Variants in SAMD9L observed in about 807,000 individuals in gnomAD.
The protein encoded by SAMD9L is sterile alpha motif domain-containing protein 9-like.
SAMD9L carries 68 observed loss-of-function variants against 90.7 expected under a neutral mutation model. That is an observed-to-expected ratio of 0.75 (90% CI 0.62 to 0.92). SAMD9L has a LOEUF of 0.92. SAMD9L is among the 40% of genes least tolerant of loss of function. SAMD9L has a pLI of 0.00. For synonymous variants in SAMD9L, 640 were observed against 630.1 expected (o/e 1.02, Z -0.23); for missense variants, 1,604 against 1,824.3 (o/e 0.88, Z 2.20).
At chr7:93,143,669 C>A (rs1333147190) in intron 4 of SAMD9L, among the ~76,000 whole-genome samples, 3 of 152,182 alleles carry the variant, frequency 2.0e-5, no homozygotes, top group Non-Finnish European at 2.9e-5. Flanking sequence ...AAAAATATTT[C>A]TCAGCCAGAA....
chr7:93,132,165 G>A lies in SAMD9L; in HGVS notation c.3807C>T (p.Asp1269=), dbSNP rs1265660330. The A allele has an allele frequency of 6.2e-7, 1 of 1,613,238 alleles. No individual in the cohort carries two copies. The highest frequency in any genetic ancestry group is 8.5e-7 in the Non-Finnish European group (1 of 1,179,728). Residue 1269 remains aspartate (D), a synonymous_variant, in exon 5 of 5, where the codon GAC becomes GAT. Transcript: ENST00000318238. The part of the protein sequence containing the change: ...NLQSDLKRCF[D]FFIDYMVLLK... ...GAAGAACCATATAATCAATAAAAAAGTCAAAGCACCTTTTCAGATCTGATT... is the reference window on the plus strand; with the variant it reads ...GAAGAACCATATAATCAATAAAAAAATCAAAGCACCTTTTCAGATCTGATT...
intron 4 of SAMD9L, among the ~76,000 whole-genome samples, chr7:93,143,487 A>G (rs1792774399): frequency 6.6e-6 from 1 of 152,098 alleles, no homozygotes; most frequent in South Asian, 2.1e-4. Flanking sequence ...CTCTCTCATC[A>G]AACCTACAAC....
In SAMD9L at chr7:93,135,162, C is replaced by G; in HGVS notation, c.810G>C (p.Lys270Asn). Residue 270 changes from lysine (K) to asparagine (N), a missense_variant, in exon 5 of 5, where the codon AAG becomes AAC. Transcript: ENST00000318238. Reference protein sequence around the residue: ...FIDHFNVMIKKYFEESEINEA... With the variant: ...FIDHFNVMIKNYFEESEINEA... Reference sequence around the variant, plus strand: ...CATTGATCTCACTTTCTTCAAAATACTTTTTGATCATTACATTGAAGTGGT... The same window carrying G: ...CATTGATCTCACTTTCTTCAAAATAGTTTTTGATCATTACATTGAAGTGGT... 6.2e-7 allele frequency: 1 copy of G among 1,613,378 alleles called. No individual in the cohort carries two copies. Among genetic ancestry groups the G allele is most frequent in the African/African-American group, 1.3e-5 (1 of 75,036 alleles).
rs1315002378 is a variant in SAMD9L, at chr7:93,145,725, A to C, written c.-463T>G. 1 of 152,234 alleles carries C rather than the reference A, an allele frequency of 6.6e-6. No individual in the cohort carries two copies. Among genetic ancestry groups the C allele is most frequent in the Non-Finnish European group, 1.5e-5 (1 of 68,028 alleles). The allele number at this position is 152,234 out of a possible 1,614,324, so 9.4% of individuals were successfully genotyped here. A position where few individuals can be genotyped will look rare whatever the true frequency, so the allele number is the denominator to read the frequency against. On this transcript the variant is annotated 5_prime_UTR_variant, in exon 3 of 5. Coordinates refer to ENST00000318238, the MANE Select transcript of SAMD9L (RefSeq NM_152703.5). The stretch of plus-strand genomic sequence containing the variant: ...AATGTTTGAACATACAGAAAATTTG[A>C]AAGAATAGTGAAAAGAATACCCTTC...
chr7:93,146,714 G>A (rs1792903914), intron 2 of SAMD9L, among the ~76,000 whole-genome samples, 169 bp downstream of exon 2: 1 of 152,148 alleles, frequency 6.6e-6, no homozygotes, highest in Admixed American at 6.5e-5. Context: ...GTAGAAATCT[G>A]GGGAAATCTC....
chr7:93,141,375 A>G (rs150396897), intron 4 of SAMD9L, among the ~76,000 whole-genome samples: 7 of 152,254 alleles, frequency 4.6e-5, no homozygotes, highest in Non-Finnish European at 8.8e-5. Context: ...AATTAACATG[A>G]TCGGCCCTGG....
rs535880866 is a variant in SAMD9L, at chr7:93,132,409, C to T, written c.3563G>A (p.Arg1188Gln). 24 of 1,613,600 alleles carry T rather than the reference C, an allele frequency of 1.5e-5. No individual in the cohort carries two copies. Among genetic ancestry groups the T allele is most frequent in the African/African-American group, 4.0e-5 (3 of 74,878 alleles). ...ENWSPQKSQR[R>Q]YDMYNTACFL... ...ACAAGCTGTGTTATACATGTCATAT[C>T]GTCTCTGGGACTTCTGTGGTGACCA... Residue 1188 changes from arginine (R) to glutamine (Q), a missense_variant, in exon 5 of 5, where the codon CGA becomes CAA. Physicochemically the swap from Arg to Gln is conservative, Grantham distance 43. Around this residue, in one of 7 missense-constraint regions of SAMD9L, gnomAD observed 302 missense variants for 314.7 expected, o/e 0.96. Transcript: ENST00000318238.
chr7:93,135,254 C>G lies in SAMD9L; in HGVS notation c.718G>C (p.Gly240Arg), dbSNP rs372981978. Residue 240 changes from glycine to arginine, a missense_variant, in exon 5 of 5, where the codon GGA becomes CGA. Around this residue, in one of 7 missense-constraint regions of SAMD9L, gnomAD observed 374 missense variants for 363.6 expected, o/e 1.03. Transcript: ENST00000318238. ...NSRTNGTIHFGVKDKPHGEIV... is the reference protein window; with the variant it reads ...NSRTNGTIHFRVKDKPHGEIV... ...TCTCCATGGGGTTTGTCCTTGACTC[C>G]AAAATGGATGGTGCCATTGGTGCGT... The G allele has an allele frequency of 1.2e-6, 2 of 1,614,054 alleles. No homozygotes were observed. The highest frequency in any genetic ancestry group is 4.5e-5 in the East Asian group (2 of 44,874).
chr7:93,144,292 A>T lies in SAMD9L; in HGVS notation c.-21+440T>A, dbSNP rs191236199. Among the ~76,000 whole-genome samples, 351 of 152,338 alleles carry T rather than the reference A, an allele frequency of 2.3e-3. 2 individuals carry two copies. Among genetic ancestry groups the T allele is most frequent in the African/African-American group, 8.0e-3 (331 of 41,566 alleles). On this transcript the variant is annotated intron_variant, in intron 4 of 4. Transcript: ENST00000318238. ...CACTGGGCCCTCCCTATCAGTGGGT[A>T]CCACATCTGTGGGTTCAATCAACCA...
intron 4 of SAMD9L, among the ~76,000 whole-genome samples, chr7:93,139,244 A>G (rs1792583820): frequency 6.6e-6 from 1 of 152,174 alleles, no homozygotes; most frequent in Non-Finnish European, 1.5e-5. Flanking sequence ...TTATCTTGAC[A>G]TCAACCCACC....
chr7:93,134,349 TC>T lies in SAMD9L; in HGVS notation c.1622del (p.Gly541GlufsTer5), dbSNP rs2116495073. 3 of 1,611,110 alleles carry T rather than the reference TC, an allele frequency of 1.9e-6. No homozygotes were observed. Among genetic ancestry groups the T allele is most frequent in the African/African-American group, 1.3e-5 (1 of 74,704 alleles). ...FLTDENIMTR[G>X]KFLVVFLLLS... is the part of the protein sequence containing the mutation. ...GTAATAGAAACACTACCAAAAATTT[TC>T]CTCTTGTCATTATATTTTCATCTGT... On this transcript the variant is annotated frameshift_variant, in exon 5 of 5. Transcript: ENST00000318238. LOFTEE classifies it high-confidence loss of function.
chr7:93,134,928 G>A lies in SAMD9L; in HGVS notation c.1044C>T (p.Ser348=), dbSNP rs766798403. The change falls in exon 5 of 5, where the codon AGC becomes AGT. Residue 348 remains serine (S), a synonymous_variant. Transcript: ENST00000318238. ...TGGAATTGGCCAGGATATCCCTAGA[G>A]CTAGCCCCTTCTCTTACAAACAGTG... ...NLSLFVREGA[S]SRDILANSKQ... 1.2e-6 allele frequency: 2 copies of A among 1,613,692 alleles called. No homozygotes were observed. Among genetic ancestry groups the A allele is most frequent in the South Asian group, 1.1e-5 (1 of 91,070 alleles).
In SAMD9L at chr7:93,130,238, G is replaced by A. The variant is rs2116461301; in HGVS notation, c.*979C>T. The stretch of plus-strand genomic sequence containing the variant: ...GCATTCCTTGACACTGAAAACTTGA[G>A]AACACATATTACCATGAGGAAGCCC... On this transcript the variant is annotated 3_prime_UTR_variant, in exon 5 of 5. Transcript: ENST00000318238. The A allele has an allele frequency of 1.3e-5, 2 of 152,232 alleles. 1 individual carries two copies. Among genetic ancestry groups the A allele is most frequent in the South Asian group, 4.1e-4 (2 of 4,820 alleles). The allele number at this position is 152,232 out of a possible 1,614,324, so 9.4% of individuals were successfully genotyped here.
Position 93,132,919 on chromosome 7 carries a change from T to C in SAMD9L, c.3053A>G (p.Glu1018Gly), listed in dbSNP as rs897248431. 3.7e-6 allele frequency: 6 copies of C among 1,613,066 alleles called. No homozygotes were observed. The highest frequency in any genetic ancestry group is 4.2e-6 in the Non-Finnish European group (5 of 1,179,448). ...KCQIALNILEENLFYDSGIGR... is the reference protein window; with the variant it reads ...KCQIALNILEGNLFYDSGIGR... ...TATTCCAGAATCATAGAATAAATTC[T>C]CTTCTAATATATTCAATGCAATTTG... Residue 1018 changes from glutamate (E) to glycine (G), a missense_variant, in exon 5 of 5, where the codon GAG becomes GGG. Around this residue, in one of 7 missense-constraint regions of SAMD9L, gnomAD observed 302 missense variants for 314.7 expected, o/e 0.96. Coordinates refer to ENST00000318238, the MANE Select transcript of SAMD9L (RefSeq NM_152703.5).
Position 93,135,329 on chromosome 7 carries a change from T to A in SAMD9L, c.643A>T (p.Met215Leu). The change falls in exon 5 of 5, where the codon ATG becomes TTG. Residue 215 changes from methionine (M) to leucine (L), a missense_variant. Physicochemically the swap from Met to Leu is conservative, Grantham distance 15. Around this residue, in one of 7 missense-constraint regions of SAMD9L, gnomAD observed 374 missense variants for 363.6 expected, o/e 1.03. Transcript: ENST00000318238. ...TETATEVDIK[M>L]KFSNEVFRFA... ...CGGAAGACTTCATTGCTGAATTTCA[T>A]CTTAATGTCCACTTCCGTGGCTGTT... The A allele has an allele frequency of 6.2e-7, 1 of 1,614,124 alleles. No homozygotes were observed. The highest frequency in any genetic ancestry group is 1.1e-5 in the South Asian group (1 of 91,086).
intron 1 of SAMD9L, 21 bp from the exon 2 acceptor site, chr7:93,147,167 C>G (rs1792925066): frequency 6.6e-6 from 1 of 152,172 alleles, no homozygotes; most frequent in African/African-American, 2.4e-5. Context: ...AAAAAACAGA[C>G]TCCAGATTTT....
At position 93,132,703 on chromosome 7, in the gene SAMD9L, C is replaced by T. The variant is rs753749828; in HGVS notation, c.3269G>A (p.Arg1090Lys). ...GTCCTTCTCTTTAATGTAGAAATGT[C>T]TTGCTAAGGCTTGACAAATGAATGC... ...QNAFICQALA[R>K]HFYIKEKDFN... Residue 1090 changes from arginine (R) to lysine (K), a missense_variant, in exon 5 of 5, where the codon AGA becomes AAA. Coordinates refer to ENST00000318238, the MANE Select transcript of SAMD9L (RefSeq NM_152703.5). The T allele has an allele frequency of 4.6e-5, 75 of 1,613,736 alleles. No individual in the cohort carries two copies. In the Middle Eastern group the frequency reaches 6.6e-4, roughly 14 times the overall value.
At position 93,132,719 on chromosome 7, in the gene SAMD9L, A is replaced by T; in HGVS notation, c.3253T>A (p.Cys1085Ser). ...SRRFPQNAFICQALARHFYIK... is the reference protein window; with the variant it reads ...SRRFPQNAFISQALARHFYIK... ...TAGAAATGTCTTGCTAAGGCTTGAC[A>T]AATGAATGCATTTTGTGGGAATCGT... is the stretch of plus-strand genomic sequence containing the variant. The change falls in exon 5 of 5, where the codon TGT (cysteine) becomes AGT (serine). Residue 1085 changes from cysteine (C) to serine (S), a missense_variant. By Grantham distance (112) the Cys-to-Ser change is moderately radical. Transcript: ENST00000318238. 1.9e-6 allele frequency: 3 copies of T among 1,613,902 alleles called. No homozygotes were observed. Among genetic ancestry groups the T allele is most frequent in the Non-Finnish European group, 2.5e-6 (3 of 1,179,846 alleles).
chr7:93,133,858 T>C lies in SAMD9L; in HGVS notation c.2114A>G (p.Tyr705Cys), dbSNP rs144236612. The C allele has an allele frequency of 2.0e-4, 322 of 1,613,538 alleles. 1 individual carries two copies. In the East Asian group the frequency reaches 5.3e-3, roughly 27 times the overall value. ...GTCCCTTTTAACAAAATCTGAAGAATAGTTTTCAGAAGAAAAATAGAAGTT... is the reference window on the plus strand; with the variant it reads ...GTCCCTTTTAACAAAATCTGAAGAACAGTTTTCAGAAGAAAAATAGAAGTT... ...WWNFYFSSENYSSDFVKRDSY... is the reference protein window; with the variant it reads ...WWNFYFSSENCSSDFVKRDSY... Residue 705 changes from tyrosine (Y) to cysteine (C), a missense_variant, in exon 5 of 5, where the codon TAT becomes TGT. Tyr to Cys is a radical substitution (Grantham distance 194). Transcript: ENST00000318238.
Sources: allele counts gnomAD v4.1 joint callset (sites outside exome capture counted in the v4.1 genomes callset), GRCh38; gene constraint gnomAD v4.1.1; regional missense constraint gnomAD v4.1.1; transcripts MANE v1.5; gene names NCBI Gene and HGNC (gene_info 2026-07-23, HGNC 2026-07-21).